The following UVSSA variants were observed in gnomAD, a reference collection of about 807,000 sequenced individuals.
The protein encoded by UVSSA is UV-stimulated scaffold protein A.
UVSSA carries 72 observed loss-of-function variants against 73.9 expected under a neutral mutation model. The ratio of observed to expected loss-of-function variants is 0.97; its 90% CI spans 0.81 to 1.19. UVSSA has a LOEUF of 1.19. UVSSA is among the 50% of genes most tolerant of loss of function. The pLI, the probability that UVSSA is intolerant of heterozygous loss-of-function variation, is 0.00. For synonymous variants in UVSSA, 454 were observed against 391.3 expected (o/e 1.16, Z -1.89); for missense variants, 1,150 against 965.0 (o/e 1.19, Z -2.54).
At position 1,366,387 on chromosome 4, in the gene UVSSA, A is replaced by C; in HGVS notation, c.1244A>C (p.Glu415Ala). ...GACTTTGTGGAGGTCCCTGAGAAGG[A>C]GGGGTATGAGCCACACATCCCCGAC... ...DEDFVEVPEK[E>A]GYEPHIPDHL... The change falls in exon 8 of 14, where the codon GAG (glutamate) becomes GCG (alanine). Residue 415 changes from glutamate to alanine, a missense_variant. Transcript: ENST00000389851. 6.2e-7 allele frequency: 1 copy of C among 1,613,536 alleles called. No individual in the cohort carries two copies. Among genetic ancestry groups the C allele is most frequent in the Non-Finnish European group, 8.5e-7 (1 of 1,179,772 alleles).
chr4:1,383,859 AGAG>A lies in UVSSA; in HGVS notation c.1960_1962del (p.Arg654del). On this transcript the variant is annotated inframe_deletion, in exon 13 of 14. Transcript: ENST00000389851. The stretch of plus-strand genomic sequence containing the variant: ...TACAGCGGGAAAGGCAGGGGGAAGA[AGAG>A]GAGGTACCCCAGCCTCACCAACCTG... 1 of 1,613,604 alleles carries A rather than the reference AGAG, an allele frequency of 6.2e-7. No homozygotes were observed. The highest frequency in any genetic ancestry group is 8.5e-7 in the Non-Finnish European group (1 of 1,180,006).
intron 10 of UVSSA, among the ~76,000 whole-genome samples, chr4:1,377,963 G>A (rs1301161120): frequency 1.3e-5 from 2 of 152,216 alleles, no homozygotes; most frequent in East Asian, 1.9e-4. Context: ...TGGCACCTGG[G>A]TGCCACATGT....
chr4:1,354,944 T>C (rs1052476644), intron 6 of UVSSA, 97 bp downstream of exon 6: 19 of 1,536,676 alleles, frequency 1.2e-5, no homozygotes, highest in Non-Finnish European at 1.7e-5. Context: ...GCCCGGTGAC[T>C]GAATGGCCCT....
chr4:1,371,976 C>T (rs1363299006), intron 8 of UVSSA, among the ~76,000 whole-genome samples: 4 of 152,226 alleles, frequency 2.6e-5, no homozygotes, highest in East Asian at 3.8e-4. Context: ...ACCTCTGCAC[C>T]CGTAGCCCTC....
chr4:1,382,298 G>A (rs1354922137), intron 12 of UVSSA, among the ~76,000 whole-genome samples: 1 of 152,234 alleles, frequency 6.6e-6, no homozygotes, highest in Non-Finnish European at 1.5e-5. Context: ...TTGGTGACTT[G>A]TTAACAAACA....
In UVSSA at chr4:1,375,499, C is replaced by A. The variant is rs369781602; in HGVS notation, c.1424C>A (p.Ser475Ter). The change falls in exon 9 of 14, where the codon TCA becomes TAA. Residue 475 changes from serine to a stop codon, truncating the protein, a stop_gained. Coordinates refer to ENST00000389851, the MANE Select transcript of UVSSA (RefSeq NM_020894.4). LOFTEE classifies it high-confidence loss of function. ...CTCCGGGACCACTTGCCTCCACCCT[C>A]ATCTGCCAGGTGACTCCCAGTGTCC... is the stretch of plus-strand genomic sequence containing the variant. ...RQLRDHLPPP[S>*]SASPSRALPE... 1 of 1,610,100 alleles carries A rather than the reference C, an allele frequency of 6.2e-7. No homozygotes were observed. Among genetic ancestry groups the A allele is most frequent in the Non-Finnish European group, 8.5e-7 (1 of 1,179,724 alleles).
exon 14 of UVSSA, chr4:1,395,024 G>A (rs559898855): frequency 1.6e-5 from 24 of 1,497,358 alleles, no homozygotes; most frequent in South Asian, 1.1e-4. Context: ...CTGCTCACAC[G>A]TGCCCATGTG....
intron 8 of UVSSA, among the ~76,000 whole-genome samples, chr4:1,368,083 T>G (rs951423565): frequency 6.6e-6 from 1 of 152,230 alleles, no homozygotes; most frequent in Admixed American, 6.5e-5. Context: ...CTGGAGGTGC[T>G]GCAGCCGGGG....
intron 2 of UVSSA, 21 bp from the exon 3 acceptor site, chr4:1,349,503 C>A: frequency 1.2e-6 from 2 of 1,604,914 alleles, no homozygotes; most frequent in South Asian, 2.2e-5. Context: ...GCAGTTGGGT[C>A]AGGCCAGCTC....
downstream of UVSSA, chr4:1,390,877 C>T (rs1010038181): frequency 6.6e-6 from 1 of 150,460 alleles, no homozygotes. Context: ...CCTGTTGGGT[C>T]AGAGGTTGGT....
In UVSSA at chr4:1,386,286, G is replaced by T; in HGVS notation, c.*325G>T. 1 of 283,862 alleles carries T rather than the reference G, an allele frequency of 3.5e-6. No homozygotes were observed. Among genetic ancestry groups the T allele is most frequent in the South Asian group, 4.4e-5 (1 of 22,498 alleles). 17.6% of individuals were successfully genotyped at this position (283,862 alleles called of 1,614,324 possible). On this transcript the variant is annotated 3_prime_UTR_variant, in exon 14 of 14. Coordinates refer to ENST00000389851, the MANE Select transcript of UVSSA (RefSeq NM_020894.4). ...GTGTGGGGTTCAGCACGGACGGAAT[G>T]TGTGTGCAGCTCAGCCTTCAGAGCG... is the stretch of plus-strand genomic sequence containing the variant.
Position 1,347,475 on chromosome 4 carries a change from T to G in UVSSA, c.-288T>G, listed in dbSNP as rs990070467. The G allele has an allele frequency of 6.6e-6, 1 of 152,364 alleles. No individual in the cohort carries two copies. Among genetic ancestry groups the G allele is most frequent in the African/African-American group, 2.4e-5 (1 of 41,458 alleles). 9.4% of individuals were successfully genotyped at this position (152,364 alleles called of 1,614,324 possible). ...GCGACCCCGCGGTCCAAGCCTCGCG[T>G]GGCCCTGCCGGGCCCCTTCTTTCCC... is the stretch of plus-strand genomic sequence containing the variant. On this transcript the variant is annotated 5_prime_UTR_variant, in exon 1 of 14. Transcript: ENST00000389851.
At chr4:1,382,486 C>T (rs1396393501) in intron 12 of UVSSA, among the ~76,000 whole-genome samples, 2 of 152,212 alleles carry the variant, frequency 1.3e-5, no homozygotes, top group Admixed American at 6.5e-5. Flanking sequence ...CCAGGAAGGC[C>T]GCGCGGTCCC....
Position 1,351,818 on chromosome 4 carries a change from C to A in UVSSA, c.533C>A (p.Ala178Glu), listed in dbSNP as rs373828028. 119 of 1,613,282 alleles carry A rather than the reference C, an allele frequency of 7.4e-5. No individual in the cohort carries two copies. Among genetic ancestry groups the A allele is most frequent in the Admixed American group, 1.2e-4 (7 of 59,992 alleles). Reference sequence around the variant, plus strand: ...ATTTATCAAGAAAGAGCCAGCCAGGCGGAGAGGGAGATGCAAGGCAAGTGT... The same window carrying A: ...ATTTATCAAGAAAGAGCCAGCCAGGAGGAGAGGGAGATGCAAGGCAAGTGT... ...DKIYQERASQ[A>E]EREMQEMSGE... Residue 178 changes from alanine to glutamate, a missense_variant, in exon 4 of 14, where the codon GCG (alanine) becomes GAG (glutamate). Physicochemically the swap from Ala to Glu is moderately radical, Grantham distance 107. Coordinates refer to ENST00000389851, the MANE Select transcript of UVSSA (RefSeq NM_020894.4).
chr4:1,395,471 G>T (rs137966522), exon 14 of UVSSA: 11 of 1,591,478 alleles, frequency 6.9e-6, no homozygotes, highest in African/African-American at 1.4e-5. Flanking sequence ...TGGAGTGCCC[G>T]CCTGCTCACA....
intron 7 of UVSSA, among the ~76,000 whole-genome samples, chr4:1,362,613 C>G (rs1002073543): frequency 1.4e-4 from 22 of 152,354 alleles, no homozygotes; most frequent in South Asian, 4.1e-4. Context: ...CCAGAGCCCC[C>G]CCGCACCGGT....
intron 12 of UVSSA, among the ~76,000 whole-genome samples, chr4:1,381,799 G>A (rs778688253): frequency 2.6e-5 from 4 of 151,452 alleles, no homozygotes; most frequent in Non-Finnish European, 4.4e-5. Flanking sequence ...AGCCTGCCAA[G>A]TAGCTGGAAT....
chr4:1,371,984 C>T (rs1399438927), intron 8 of UVSSA, among the ~76,000 whole-genome samples: 1 of 152,212 alleles, frequency 6.6e-6, no homozygotes, highest in African/African-American at 2.4e-5. Context: ...ACCCGTAGCC[C>T]TCAGCATGGC....
intron 12 of UVSSA, among the ~76,000 whole-genome samples, chr4:1,381,774 C>T (rs1283390157): frequency 6.6e-6 from 1 of 150,744 alleles, no homozygotes. Context: ...CAGGTTCGAG[C>T]GATCCTCGTG....
Sources: allele counts gnomAD v4.1 joint callset (sites outside exome capture counted in the v4.1 genomes callset), GRCh38; gene constraint gnomAD v4.1.1; transcripts MANE v1.5; gene names NCBI Gene and HGNC (gene_info 2026-07-23, HGNC 2026-07-21).